ATP4B: variants seen among roughly 807,000 people sequenced by gnomAD.
ATP4B encodes potassium-transporting ATPase subunit beta.
In ATP4B, 27 loss-of-function variants were observed where a neutral mutation model predicts 35.3. That is an observed-to-expected ratio of 0.76 (90% CI 0.56 to 1.05). The LOEUF is 1.05. Ranked by LOEUF, ATP4B falls within the 50% of genes least tolerant of loss-of-function variation. ATP4B has a pLI of 0.00. For synonymous variants in ATP4B, 162 were observed against 156.0 expected (o/e 1.04, Z -0.29); for missense variants, 375 against 384.8 (o/e 0.97, Z 0.21).
rs777703100 is a variant in ATP4B at position 113,650,386 on chromosome 13, C to T, written c.714+20G>A. 2.4e-5 allele frequency: 38 copies of T among 1,605,842 alleles called. No homozygotes were observed. Among genetic ancestry groups the T allele is most frequent in the African/African-American group, 5.4e-5 (4 of 74,712 alleles). Reference sequence around the variant, plus strand: ...GACTCAGCAGCTGTGGTGAGGGAAGCGTGGAAGGAAGGAACCTACCTGGGC... The same window carrying T: ...GACTCAGCAGCTGTGGTGAGGGAAGTGTGGAAGGAAGGAACCTACCTGGGC... On this transcript the variant is annotated intron_variant, in intron 6 of 6. Transcript: ENST00000335288. This position sits in a 1 kb window ranked among gnomAD's most constrained non-coding sequence, Gnocchi z 5.0.
Position 113,650,300 on chromosome 13 carries a change from A to G in ATP4B, c.714+106T>C, listed in dbSNP as rs2049701857. On this transcript the variant is annotated intron_variant, in intron 6 of 6. Coordinates refer to ENST00000335288, the MANE Select transcript of ATP4B (RefSeq NM_000705.4). This position sits in a 1 kb window ranked among gnomAD's most constrained non-coding sequence, Gnocchi z 5.0. ...TTCCAGTCAGGACCGGCTAAGTCAC[A>G]CCTTTGTTTCATTTTTCTACATGAA... 9.0e-7 allele frequency: 1 copy of G among 1,112,290 alleles called. No individual in the cohort carries two copies. The highest frequency in any genetic ancestry group is 1.5e-5 in the African/African-American group (1 of 64,670). The allele number at this position is 1,112,290 out of a possible 1,614,324, so 68.9% of individuals were successfully genotyped here. A position where few individuals can be genotyped will look rare whatever the true frequency, so the allele number is the denominator to read the frequency against.
At chr13:113,654,668 G>T in intron 2 of ATP4B, 146 bp downstream of exon 2, 1 of 1,288,050 alleles carries the variant, frequency 7.8e-7, no homozygotes, top group Non-Finnish European at 1.0e-6. Context: ...CACCTGCTGG[G>T]GTGTGTGGCT....
In ATP4B at chr13:113,648,816, C is replaced by G. The variant is rs139513600; in HGVS notation, c.*558G>C. 6.6e-6 allele frequency: 1 copy of G among 152,100 alleles called. No homozygotes were observed. Among genetic ancestry groups the G allele is most frequent in the African/African-American group, 2.4e-5 (1 of 41,372 alleles). The allele number at this position is 152,100 out of a possible 1,614,324, so 9.4% of individuals were successfully genotyped here. A position where few individuals can be genotyped will look rare whatever the true frequency, so the allele number is the denominator to read the frequency against. On this transcript the variant is annotated 3_prime_UTR_variant, in exon 7 of 7. Coordinates refer to ENST00000335288, the MANE Select transcript of ATP4B (RefSeq NM_000705.4). ...TTTTAGAAGGAGATTTTTAAGGAAGCGTTTGGTTTTTATTTAATTTCTCCC... is the reference window on the plus strand; with the variant it reads ...TTTTAGAAGGAGATTTTTAAGGAAGGGTTTGGTTTTTATTTAATTTCTCCC...
intron 1 of ATP4B, among the ~76,000 whole-genome samples, chr13:113,657,726 T>C (rs1016563436): frequency 1.3e-5 from 2 of 152,270 alleles, no homozygotes; most frequent in Non-Finnish European, 2.9e-5. Context: ...TGATTCACTT[T>C]AGAAACATAC....
chr13:113,653,099 T>A, intron 3 of ATP4B, 27 bp from the exon 4 acceptor site: 1 of 1,594,064 alleles, frequency 6.3e-7, no homozygotes, highest in Non-Finnish European at 8.6e-7. Flanking sequence ...CTGCCAGCCC[T>A]GTCCTGCCCT....
chr13:113,658,198 T>G lies in ATP4B; in HGVS notation c.-54A>C. 1 of 1,502,084 alleles carries G rather than the reference T, an allele frequency of 6.7e-7. No individual in the cohort carries two copies. The highest frequency in any genetic ancestry group is 9.1e-7 in the Non-Finnish European group (1 of 1,096,628). 93.0% of individuals were successfully genotyped at this position (1,502,084 alleles called of 1,614,324 possible). A position where few individuals can be genotyped will look rare whatever the true frequency, so the allele number is the denominator to read the frequency against. On this transcript the variant is annotated 5_prime_UTR_variant, in exon 1 of 7. Transcript: ENST00000335288. Reference sequence around the variant, plus strand: ...CTCCCTGCACCCTCTACGCCCAGACTGAGGCCAGATGCCCACCTCTGGGCT... The same window carrying G: ...CTCCCTGCACCCTCTACGCCCAGACGGAGGCCAGATGCCCACCTCTGGGCT...
Position 113,649,543 on chromosome 13 carries a change from G to T in ATP4B, c.715-8C>A. 6.6e-7 allele frequency: 1 copy of T among 1,504,282 alleles called. No homozygotes were observed. Among genetic ancestry groups the T allele is most frequent in the East Asian group, 2.5e-5 (1 of 39,500 alleles). 93.2% of individuals were successfully genotyped at this position (1,504,282 alleles called of 1,614,324 possible). On this transcript the variant is annotated splice_region_variant and splice_polypyrimidine_tract_variant and intron_variant, in intron 6 of 6. Coordinates refer to ENST00000335288, the MANE Select transcript of ATP4B (RefSeq NM_000705.4). The surrounding 1 kb of genome is among the most constrained non-coding windows in gnomAD (Gnocchi z 4.7). ...GGGGTTGCTGTAGTGGGGCTGAAGT[G>T]GGAGTGAGGAAAGGACAGGTGTTTC...
At chr13:113,655,002 G>T (rs1832458557) in intron 1 of ATP4B, 60 bp from the exon 2 acceptor site, 4 of 1,602,472 alleles carry the variant, frequency 2.5e-6, no homozygotes, top group South Asian at 2.2e-5. Context: ...ACACAATTCG[G>T]TGGCCTTGAG....
chr13:113,655,101 T>G (rs1028352645), intron 1 of ATP4B, among the ~76,000 whole-genome samples, 159 bp from the exon 2 acceptor site: 8 of 151,938 alleles, frequency 5.3e-5, no homozygotes, highest in African/African-American at 1.9e-4. Context: ...CCACAAACAG[T>G]CACTACAATC....
intron 4 of ATP4B, among the ~76,000 whole-genome samples, chr13:113,652,247 C>G (rs1218393187): frequency 6.6e-6 from 1 of 152,258 alleles, no homozygotes; most frequent in Non-Finnish European, 1.5e-5. Context: ...TGCTGGGACC[C>G]CCGTCACAGC....
At chr13:113,652,736 C>T in intron 4 of ATP4B, 137 bp downstream of exon 4, 2 of 979,568 alleles carry the variant, frequency 2.0e-6, no homozygotes, top group Middle Eastern at 2.0e-4. Context: ...AACCAAGGTA[C>T]AGGGTGGTGA....
Position 113,650,302 on chromosome 13 carries a change from C to A in ATP4B, c.714+104G>T. 8.6e-7 allele frequency: 1 copy of A among 1,156,398 alleles called. No homozygotes were observed. The allele number at this position is 1,156,398 out of a possible 1,614,324, so 71.6% of individuals were successfully genotyped here. ...CCAGTCAGGACCGGCTAAGTCACAC[C>A]TTTGTTTCATTTTTCTACATGAAGG... On this transcript the variant is annotated intron_variant, in intron 6 of 6. Coordinates refer to ENST00000335288, the MANE Select transcript of ATP4B (RefSeq NM_000705.4). The surrounding 1 kb of genome is among the most constrained non-coding windows in gnomAD (Gnocchi z 5.0).
In ATP4B at chr13:113,650,596, C is replaced by T. The variant is rs575864212; in HGVS notation, c.613-89G>A. ...GCGTTTGTGTGCGTGTGTGCACACA[C>T]GCGCTGTGTAGGTGCTTGCATAAAC... On this transcript the variant is annotated intron_variant, in intron 5 of 6. Coordinates refer to ENST00000335288, the MANE Select transcript of ATP4B (RefSeq NM_000705.4). This position sits in a 1 kb window ranked among gnomAD's most constrained non-coding sequence, Gnocchi z 5.0. The T allele has an allele frequency of 4.3e-4, 432 of 994,824 alleles. No homozygotes were observed. The highest frequency in any genetic ancestry group is 6.0e-4 in the Non-Finnish European group (399 of 663,834). The allele number at this position is 994,824 out of a possible 1,614,324, so 61.6% of individuals were successfully genotyped here.
chr13:113,656,529 T>C (rs1307048042), intron 1 of ATP4B, among the ~76,000 whole-genome samples: 1 of 152,014 alleles, frequency 6.6e-6, no homozygotes, highest in African/African-American at 2.4e-5. Context: ...TGCACCACGG[T>C]GTTCAGGGCA....
chr13:113,654,673 G>A, intron 2 of ATP4B, 141 bp downstream of exon 2: 1 of 1,339,524 alleles, frequency 7.5e-7, no homozygotes, highest in Non-Finnish European at 1.0e-6. Flanking sequence ...GCTGGGGTGT[G>A]TGGCTCACCC....
At position 113,653,369 on chromosome 13, in the gene ATP4B, T is replaced by TATCAGAGAC. The variant is rs1370493484; in HGVS notation, c.298_306dup (p.Val100_Asp102dup). The TATCAGAGAC allele has an allele frequency of 6.2e-7, 1 of 1,614,110 alleles. No individual in the cohort carries two copies. ...TGTGTGAGGTCTGCCCAGGTTCTGT[T>TATCAGAGAC]ATCAGAGACGTTGTAGACAATTTCC... On this transcript the variant is annotated inframe_insertion, in exon 3 of 7. Coordinates refer to ENST00000335288, the MANE Select transcript of ATP4B (RefSeq NM_000705.4).
At chr13:113,655,499 G>T (rs931869494) in intron 1 of ATP4B, among the ~76,000 whole-genome samples, 7 of 152,206 alleles carry the variant, frequency 4.6e-5, no homozygotes, top group South Asian at 2.1e-4. Flanking sequence ...GCAACTCAGG[G>T]TGCAGCTTCA....
chr13:113,655,619 G>A (rs2049747706), intron 1 of ATP4B, among the ~76,000 whole-genome samples: 1 of 152,236 alleles, frequency 6.6e-6, no homozygotes, highest in African/African-American at 2.4e-5. Flanking sequence ...GCGACTGCCT[G>A]TGTGCTGTCT....
Position 113,650,453 on chromosome 13 carries a change from C to T in ATP4B, c.667G>A (p.Gly223Ser), listed in dbSNP as rs200373117. The T allele has an allele frequency of 1.9e-5, 30 of 1,613,890 alleles. No homozygotes were observed. Among genetic ancestry groups the T allele is most frequent in the Admixed American group, 3.3e-5 (2 of 60,000 alleles). ...PLQVKYYPPN[G>S]TFSLHYFPYY... ...GGGAAGTAGTGCAGACTGAAGGTGC[C>T]GTTGGGAGGGTAGTACTTGACCTGC... is the stretch of plus-strand genomic sequence containing the variant. The change falls in exon 6 of 7, where the codon GGC becomes AGC. Residue 223 changes from glycine to serine, a missense_variant. By Grantham distance (56) the Gly-to-Ser change is moderately conservative. Coordinates refer to ENST00000335288, the MANE Select transcript of ATP4B (RefSeq NM_000705.4). This position sits in a 1 kb window ranked among gnomAD's most constrained non-coding sequence, Gnocchi z 5.0.
Sources: gnomAD v4.1 joint callset for allele counts (sites outside exome capture counted in the v4.1 genomes callset) on GRCh38, gnomAD v4.1.1 for gene constraint, Gnocchi (gnomAD v3.1) non-coding constraint, MANE v1.5 for transcripts, NCBI Gene and HGNC (gene_info 2026-07-23, HGNC 2026-07-21) for gene names.